HMCN1: variants seen among roughly 807,000 people sequenced by gnomAD.
HMCN1 encodes the protein hemicentin-1.
HMCN1 carries 321 observed loss-of-function variants against 625.9 expected under a neutral mutation model. The ratio of observed to expected loss-of-function variants is 0.51; its 90% confidence interval spans 0.47 to 0.56. The LOEUF (loss-of-function observed/expected upper bound fraction) is 0.56, where lower values mean the gene tolerates loss of function less well. HMCN1 is among the 20% of genes least tolerant of loss of function. The pLI, the probability that HMCN1 is intolerant of heterozygous loss-of-function variation, is 0.00. For missense variants in HMCN1, 6,588 were observed against 6,887.3 expected (o/e 0.96, Z 1.54); for synonymous variants, 2,425 against 2,417.6 (o/e 1.00, Z -0.09).
chr1:185,915,144 A>G (rs1265649267), intron 6 of HMCN1, among the ~76,000 whole-genome samples: 1 of 152,080 alleles, frequency 6.6e-6, no homozygotes, highest in Non-Finnish European at 1.5e-5. Flanking sequence ...TGTATAATTC[A>G]CATAAGTACT....
intron 93 of HMCN1, among the ~76,000 whole-genome samples, chr1:186,148,935 C>CTTTTTTTTTTT (rs57126500): frequency 2.8e-5 from 4 of 143,304 alleles, no homozygotes; most frequent in Non-Finnish European, 3.1e-5. Context: ...TGAAAGGAAT[C>CTTTTTTTTTTT]TTTTTTTTTT....
rs1668090056 is a variant in HMCN1 at position 185,941,702 on chromosome 1, A to G, written c.1828+7878A>G. On this transcript the variant is annotated intron_variant, in intron 11 of 106. Coordinates refer to ENST00000271588, the MANE Select transcript of HMCN1 (RefSeq NM_031935.3). ...TAAAACATTCCAGTTTCATGCAATA[A>G]AATATATGAATGAATATCATGTTTC... is the stretch of plus-strand genomic sequence containing the variant. Among the ~76,000 whole-genome samples the G allele has an allele frequency of 3.3e-5, 5 of 152,214 alleles. No individual in the cohort carries two copies. In the South Asian group the frequency reaches 8.3e-4, roughly 25 times the overall value.
Position 186,016,010 on chromosome 1 carries a change from T to C in HMCN1, c.4962T>C (p.Val1654=), listed in dbSNP as rs1346480894. ...NLATPLNKQV[V]IAHSLTLECK... is the part of the protein sequence containing the mutation. The stretch of plus-strand genomic sequence containing the variant: ...CCACGCCTTTGAATAAGCAAGTAGT[T>C]ATTGCTCATTCTCTGACACTGGAGT... The change falls in exon 32 of 107, where the codon GTT becomes GTC. Residue 1654 remains valine, a synonymous_variant. Transcript: ENST00000271588. 5 of 1,613,186 alleles carry C rather than the reference T, an allele frequency of 3.1e-6. No homozygotes were observed. In the South Asian group the frequency reaches 5.5e-5, roughly 18 times the overall value.
chr1:186,136,659 T>C lies in HMCN1; in HGVS notation c.13313-9T>C, dbSNP rs1435592066. ...CAAAAACTGAGACACTATGTGCTTT[T>C]TTCCGTAGGTCCTCCTATTATCACT... On this transcript the variant is annotated splice_polypyrimidine_tract_variant and intron_variant, in intron 86 of 106. Transcript: ENST00000271588. 6.2e-7 allele frequency: 1 copy of C among 1,613,800 alleles called. No homozygotes were observed. Among genetic ancestry groups the C allele is most frequent in the Non-Finnish European group, 8.5e-7 (1 of 1,179,754 alleles).
intron 81 of HMCN1, among the ~76,000 whole-genome samples, chr1:186,125,123 T>C (rs1661581549): frequency 6.6e-6 from 1 of 152,130 alleles, no homozygotes; most frequent in African/African-American, 2.4e-5. Flanking sequence ...AATACTGCAA[T>C]AAGTATTTTT....
At chr1:186,116,752 A>T (rs916499879) in intron 75 of HMCN1, among the ~76,000 whole-genome samples, 1 of 152,120 alleles carries the variant, frequency 6.6e-6, no homozygotes, top group African/African-American at 2.4e-5. Context: ...TTCCCTCTTC[A>T]GACAATCCTT....
At chr1:185,819,506 CTA>C (rs1660057503) in intron 1 of HMCN1, among the ~76,000 whole-genome samples, 1 of 152,038 alleles carries the variant, frequency 6.6e-6, no homozygotes, top group African/African-American at 2.4e-5. Context: ...GTGTCCTTCT[CTA>C]TGTTTTTTTC....
intron 2 of HMCN1, among the ~76,000 whole-genome samples, chr1:185,861,343 G>A (rs886141802): frequency 1.1e-4 from 17 of 152,166 alleles, no homozygotes; most frequent in African/African-American, 4.1e-4. Context: ...GTACACACAT[G>A]ACAATTAGTA....
At chr1:185,970,297 CTTTAGTG>C (rs748566478) in intron 14 of HMCN1, 31 bp from the exon 15 acceptor site, 2 of 1,576,084 alleles carry the variant, frequency 1.3e-6, no homozygotes, top group African/African-American at 1.3e-5. Flanking sequence ...AATTTTAATA[CTTTAGTG>C]TTTAATGTTC....
intron 18 of HMCN1, 125 bp downstream of exon 18, chr1:185,982,514 C>T: frequency 1.2e-6 from 1 of 853,540 alleles, no homozygotes. Flanking sequence ...GATCTAGGCT[C>T]ACCGCAACCT....
At chr1:185,953,416 C>T (rs921604224) in intron 11 of HMCN1, among the ~76,000 whole-genome samples, 2 of 151,842 alleles carry the variant, frequency 1.3e-5, no homozygotes, top group Non-Finnish European at 2.9e-5. Context: ...GGGAAGTCTG[C>T]CTTCCCAGTC....
intron 23 of HMCN1, 174 bp downstream of exon 23, chr1:185,993,483 G>A: frequency 1.6e-6 from 1 of 638,850 alleles, no homozygotes; most frequent in East Asian, 3.1e-5. Context: ...AAGTCTTCCT[G>A]CTATTTATAA....
chr1:186,167,802 C>A (rs1315987171), intron 100 of HMCN1, among the ~76,000 whole-genome samples: 1 of 152,196 alleles, frequency 6.6e-6, no homozygotes, highest in Non-Finnish European at 1.5e-5. Context: ...CACCCCTTTT[C>A]ATGGCTTGAT....
chr1:186,030,777 C>T (rs1655379691), intron 36 of HMCN1, among the ~76,000 whole-genome samples: 1 of 151,712 alleles, frequency 6.6e-6, no homozygotes. Flanking sequence ...CCATTGCTAA[C>T]ATTTTCTTGG....
intron 15 of HMCN1, among the ~76,000 whole-genome samples, chr1:185,973,508 G>A (rs2101978265): frequency 6.6e-6 from 1 of 151,994 alleles, no homozygotes; most frequent in Middle Eastern, 3.4e-3. Context: ...AGGAAGAAAA[G>A]CATGCTTTTA....
At chr1:186,067,014 G>A (rs1658161093) in intron 49 of HMCN1, among the ~76,000 whole-genome samples, 1 of 152,092 alleles carries the variant, frequency 6.6e-6, no homozygotes, top group Admixed American at 6.5e-5. Flanking sequence ...ATTCCCATAA[G>A]CACTTAAAAT....
At chr1:186,000,018 A>G (rs1196334478) in intron 25 of HMCN1, 27 bp from the exon 26 acceptor site, 1 of 1,517,998 alleles carries the variant, frequency 6.6e-7, no homozygotes, top group Admixed American at 1.7e-5. Context: ...GTTGTAAAAT[A>G]TCACAAGACT....
At chr1:186,142,945 T>G (rs1403925533) in intron 89 of HMCN1, among the ~76,000 whole-genome samples, 2 of 152,214 alleles carry the variant, frequency 1.3e-5, no homozygotes, top group African/African-American at 4.8e-5. Context: ...TTCAGAATTT[T>G]TGAAATCATA....
chr1:186,133,786 A>G (rs555673618), intron 86 of HMCN1, among the ~76,000 whole-genome samples: 2 of 149,996 alleles, frequency 1.3e-5, no homozygotes, highest in Admixed American at 1.3e-4. Context: ...AGGAAAAAAT[A>G]GGGTTCTATG....
Sources: allele counts gnomAD v4.1 joint callset (sites outside exome capture counted in the v4.1 genomes callset), GRCh38; gene constraint gnomAD v4.1.1; transcripts MANE v1.5; gene names NCBI Gene and HGNC (gene_info 2026-07-23, HGNC 2026-07-21).